Variants in ECHDC2 observed in about 807,000 individuals in gnomAD.
ECHDC2 encodes the protein enoyl-CoA hydratase domain containing 2, also known as enoyl-CoA hydratase domain-containing protein 2, mitochondrial.
ECHDC2 carries 34 observed loss-of-function variants against 40.6 expected under a neutral mutation model. That is an observed-to-expected ratio of 0.84 (90% CI 0.64 to 1.11). The LOEUF is 1.11. Among genes scored for constraint, ECHDC2 ranks in the 50% most tolerant of loss-of-function variants. ECHDC2 has a pLI of 0.00. For missense variants in ECHDC2, 392 were observed against 400.7 expected, an observed-to-expected ratio of 0.98 and a Z score of 0.19; for synonymous variants, 162 against 166.6, an observed-to-expected ratio of 0.97 and a Z score of 0.21.
chr1:52,913,849 C>A (rs186860529), intron 1 of ECHDC2: 4 of 907,094 alleles, frequency 4.4e-6, no homozygotes, highest in Non-Finnish European at 5.6e-6. Flanking sequence ...CATAATGACA[C>A]GTATCTGCCT....
At chr1:52,911,931 A>G in intron 1 of ECHDC2, 141 bp from the exon 2 acceptor site, 1 of 1,462,954 alleles carries the variant, frequency 6.8e-7, no homozygotes, top group Admixed American at 2.4e-5. Flanking sequence ...CAAGTCACAC[A>G]CTCAGGCAGG....
rs1377206032 is a variant in ECHDC2 at position 52,898,952 on chromosome 1, T to C, written c.753+222A>G. ...CCCTTTCTTAACCTCAATCTCATCC[T>C]CTCTCCAAGGGAGAAAGATGAGGAT... On this transcript the variant is annotated intron_variant, in intron 8 of 9. Transcript: ENST00000371522. 18 of 613,304 alleles carry C rather than the reference T, an allele frequency of 2.9e-5. No homozygotes were observed. In the Admixed American group the frequency reaches 4.5e-4, roughly 15 times the overall value. The allele number at this position is 613,304 out of a possible 1,614,324, so 38.0% of individuals were successfully genotyped here.
chr1:52,899,287 G>GCTGATAGT (rs1646837003), intron 7 of ECHDC2, 63 bp from the exon 8 acceptor site: 1 of 1,519,510 alleles, frequency 6.6e-7, no homozygotes. Flanking sequence ...CAGGTCTGAG[G>GCTGATAGT]TGCACAGCTT....
intron 1 of ECHDC2, 122 bp from the exon 2 acceptor site, chr1:52,911,912 G>A (rs2150061952): frequency 6.7e-7 from 1 of 1,502,118 alleles, no homozygotes; most frequent in Non-Finnish European, 8.9e-7. Flanking sequence ...TGACCAGAGT[G>A]ACTTGCCACA....
intron 7 of ECHDC2, 105 bp downstream of exon 7, chr1:52,904,541 A>G (rs1216241529): frequency 1.9e-6 from 2 of 1,044,660 alleles, no homozygotes; most frequent in East Asian, 2.7e-5. Context: ...AGGGTTAATC[A>G]TATGTCTCTG....
intron 1 of ECHDC2, 105 bp from the exon 2 acceptor site, chr1:52,911,895 C>G: frequency 6.6e-7 from 1 of 1,525,420 alleles, no homozygotes. Flanking sequence ...GGAGCCTCTG[C>G]CCTAGATGAC....
At chr1:52,921,475 C>G in intron 1 of ECHDC2, 78 bp downstream of exon 1, 1 of 1,506,216 alleles carries the variant, frequency 6.6e-7, no homozygotes, top group South Asian at 1.3e-5. Flanking sequence ...ACGCACTGAG[C>G]GGCCCACCTG....
chr1:52,902,082 AAAG>A (rs950840423), intron 7 of ECHDC2: 3 of 152,144 alleles, frequency 2.0e-5, no homozygotes, highest in African/African-American at 4.8e-5. Context: ...CCTCCAAATT[AAAG>A]AAGATCTGTT....
chr1:52,914,574 G>A lies in ECHDC2; in HGVS notation c.122-2784C>T, dbSNP rs561192488. 2.1e-4 allele frequency among the ~76,000 whole-genome samples: 32 copies of A among 152,108 alleles called. No homozygotes were observed. Among genetic ancestry groups the A allele is most frequent in the Non-Finnish European group, 4.3e-4 (29 of 68,014 alleles). ...ACACGCCTGCCTCCTGTACACCCAG[G>A]GCTCCCGTGTGTGCCCAGGAGCCCA... On this transcript the variant is annotated intron_variant, in intron 1 of 9. Coordinates refer to ENST00000371522, the MANE Select transcript of ECHDC2 (RefSeq NM_001198961.2). The surrounding 1 kb of genome is among the most constrained non-coding windows in gnomAD (Gnocchi z 4.0).
intron 3 of ECHDC2, 29 bp from the exon 4 acceptor site, chr1:52,907,983 C>T: frequency 6.2e-7 from 1 of 1,609,352 alleles, no homozygotes; most frequent in Non-Finnish European, 8.5e-7. Context: ...GGTACCAGCC[C>T]TTAGGAAAAT....
At chr1:52,916,055 C>T (rs780291552) in intron 1 of ECHDC2, among the ~76,000 whole-genome samples, 5 of 152,148 alleles carry the variant, frequency 3.3e-5, no homozygotes, top group African/African-American at 7.2e-5. Flanking sequence ...AGATCTTTCC[C>T]GTCAAGCCTG....
chr1:52,896,463 C>T lies in ECHDC2; in HGVS notation c.*57G>A. 7.1e-7 allele frequency: 1 copy of T among 1,405,436 alleles called. No individual in the cohort carries two copies. The highest frequency in any genetic ancestry group is 1.0e-6 in the Non-Finnish European group (1 of 989,768). The allele number at this position is 1,405,436 out of a possible 1,614,324, so 87.1% of individuals were successfully genotyped here. On this transcript the variant is annotated 3_prime_UTR_variant, in exon 10 of 10. Coordinates refer to ENST00000371522, the MANE Select transcript of ECHDC2 (RefSeq NM_001198961.2). ...GAAGGCAATCTGGCCACAAATCTTC[C>T]TTCTGGATCCTGCTCTTCAGGGCAT...
chr1:52,911,885 G>A, intron 1 of ECHDC2, 95 bp from the exon 2 acceptor site: 2 of 1,550,448 alleles, frequency 1.3e-6, no homozygotes, highest in Non-Finnish European at 1.7e-6. Context: ...TGGGATCTGG[G>A]GAGCCTCTGC....
intron 3 of ECHDC2, among the ~76,000 whole-genome samples, chr1:52,910,351 C>CTTTTTTTT: frequency 2.7e-5 from 1 of 36,790 alleles, no homozygotes; most frequent in Non-Finnish European, 4.9e-5. Context: ...ACCACAATTT[C>CTTTTTTTT]GTTTTTTTTT....
chr1:52,921,722 C>G lies in ECHDC2; in HGVS notation c.-49G>C. 2 of 1,432,796 alleles carry G rather than the reference C, an allele frequency of 1.4e-6. No individual in the cohort carries two copies. Among genetic ancestry groups the G allele is most frequent in the Non-Finnish European group, 1.8e-6 (2 of 1,096,218 alleles). 88.8% of individuals were successfully genotyped at this position (1,432,796 alleles called of 1,614,324 possible). A position where few individuals can be genotyped will look rare whatever the true frequency, so the allele number is the denominator to read the frequency against. ...GTGCTTCTCCGGCCCTGCACCGTCT[C>G]GGCTCCCGCTGAGAGCTCGCAGTTC... On this transcript the variant is annotated 5_prime_UTR_variant, in exon 1 of 10. Transcript: ENST00000371522.
chr1:52,897,627 C>G, intron 8 of ECHDC2, 143 bp from the exon 9 acceptor site: 1 of 782,720 alleles, frequency 1.3e-6, no homozygotes, highest in Non-Finnish European at 2.2e-6. Context: ...AGAAGAAACA[C>G]CATTCGTAAC....
chr1:52,909,124 T>C (rs1306112997), intron 3 of ECHDC2, among the ~76,000 whole-genome samples: 1 of 152,046 alleles, frequency 6.6e-6, no homozygotes, highest in African/African-American at 2.4e-5. Context: ...AAACAAAAAG[T>C]TGGCATGGAT....
chr1:52,918,684 G>T (rs1407549358), intron 1 of ECHDC2, among the ~76,000 whole-genome samples: 1 of 152,194 alleles, frequency 6.6e-6, no homozygotes, highest in East Asian at 1.9e-4. Flanking sequence ...TACTACAAAA[G>T]AGTCAAAAGT....
intron 8 of ECHDC2, chr1:52,898,778 C>T (rs919760289): frequency 2.3e-5 from 7 of 300,770 alleles, no homozygotes; most frequent in Non-Finnish European, 4.4e-5. Flanking sequence ...TTGAGGTGGA[C>T]AGATGGATTA....
Sources: allele counts gnomAD v4.1 joint callset (sites outside exome capture counted in the v4.1 genomes callset), GRCh38; gene constraint gnomAD v4.1.1; non-coding constraint Gnocchi (gnomAD v3.1); transcripts MANE v1.5; gene names NCBI Gene and HGNC (gene_info 2026-07-23, HGNC 2026-07-21).